Variants in GLT8D2 observed in about 807,000 individuals in gnomAD.
GLT8D2 encodes glycosyltransferase 8 domain containing 2, also known as glycosyltransferase 8 domain-containing protein 2.
GLT8D2 carries 45 observed loss-of-function variants against 44.5 expected under a neutral mutation model. The observed-to-expected ratio is 1.01, with a 90% CI of 0.80 to 1.30. The LOEUF (loss-of-function observed/expected upper bound fraction) is 1.30. GLT8D2 is among the 50% of genes most tolerant of loss of function. The pLI, the probability that GLT8D2 is intolerant of heterozygous loss-of-function variation, is 0.00. For synonymous variants in GLT8D2, 156 were observed against 157.2 expected, an observed-to-expected ratio of 0.99 and a Z score of 0.06; for missense variants, 400 against 430.4, an observed-to-expected ratio of 0.93 and a Z score of 0.62.
At chr12:104,024,353 G>A (rs999401698) in intron 1 of GLT8D2, among the ~76,000 whole-genome samples, 1 of 152,164 alleles carries the variant, frequency 6.6e-6, no homozygotes, top group Non-Finnish European at 1.5e-5. Flanking sequence ...AGGATTGTTT[G>A]AGCCTGGAGG....
chr12:104,021,188 G>A (rs1037491283), intron 2 of GLT8D2, among the ~76,000 whole-genome samples, 169 bp downstream of exon 2: 1 of 152,226 alleles, frequency 6.6e-6, no homozygotes, highest in African/African-American at 2.4e-5. Flanking sequence ...CCCTCAGGGA[G>A]AAAGCTATCT....
At chr12:104,015,392 A>C (rs1247235439) in intron 3 of GLT8D2, among the ~76,000 whole-genome samples, 1 of 134,632 alleles carries the variant, frequency 7.4e-6, no homozygotes, top group African/African-American at 2.9e-5. Context: ...CAACAACAAC[A>C]AACACACACA....
chr12:104,041,448 C>A (rs1880542882), intron 1 of GLT8D2, among the ~76,000 whole-genome samples: 1 of 152,048 alleles, frequency 6.6e-6, no homozygotes, highest in Non-Finnish European at 1.5e-5. Flanking sequence ...TGGTGGCACG[C>A]ACCTGTGATC....
intron 4 of GLT8D2, among the ~76,000 whole-genome samples, chr12:104,011,843 T>C (rs1330152717): frequency 6.6e-6 from 1 of 152,062 alleles, no homozygotes; most frequent in African/African-American, 2.4e-5. Flanking sequence ...GTGTGGTGTG[T>C]GCCCCTTAAA....
intron 1 of GLT8D2, among the ~76,000 whole-genome samples, chr12:104,045,642 T>C (rs1166989532): frequency 6.6e-6 from 1 of 151,684 alleles, no homozygotes; most frequent in African/African-American, 2.4e-5. Context: ...TGCCAAAGAG[T>C]TTAGGCATGT....
chr12:104,019,529 C>T, intron 3 of GLT8D2, 101 bp downstream of exon 3: 3 of 940,386 alleles, frequency 3.2e-6, no homozygotes, highest in South Asian at 3.1e-5. Flanking sequence ...CCATGAAAAT[C>T]AAACACAATC....
chr12:104,008,879 C>T (rs557683743), intron 4 of GLT8D2, among the ~76,000 whole-genome samples: 10 of 152,366 alleles, frequency 6.6e-5, no homozygotes, highest in South Asian at 6.2e-4. Flanking sequence ...GCAGCTTCCA[C>T]GTGGTGTTGA....
chr12:104,032,274 G>A (rs1879351142), intron 1 of GLT8D2, among the ~76,000 whole-genome samples: 1 of 151,292 alleles, frequency 6.6e-6, no homozygotes, highest in Admixed American at 6.6e-5. Context: ...CCTGGTTTGT[G>A]TATTAGAATC....
upstream of GLT8D2, among the ~76,000 whole-genome samples, chr12:104,050,834 A>G (rs1207276642): frequency 1.2e-5 from 1 of 85,740 alleles, no homozygotes; most frequent in African/African-American, 6.5e-5. Context: ...TTTTTTTTTG[A>G]GACGGAGTCT....
chr12:104,027,757 G>A (rs1241936437), intron 1 of GLT8D2, among the ~76,000 whole-genome samples: 1 of 152,262 alleles, frequency 6.6e-6, no homozygotes, highest in Admixed American at 6.5e-5. Flanking sequence ...GCTCGGAGAG[G>A]TTCAGTAACT....
Position 103,989,325 on chromosome 12 carries a change from T to C in GLT8D2, c.*83A>G. 9 of 1,191,364 alleles carry C rather than the reference T, an allele frequency of 7.6e-6. No homozygotes were observed. The highest frequency in any genetic ancestry group is 7.0e-6 in the Non-Finnish European group (6 of 853,418). The allele number at this position is 1,191,364 out of a possible 1,614,324, so 73.8% of individuals were successfully genotyped here. A position where few individuals can be genotyped will look rare whatever the true frequency, so the allele number is the denominator to read the frequency against. On this transcript the variant is annotated 3_prime_UTR_variant, in exon 11 of 11. Coordinates refer to ENST00000360814, the MANE Select transcript of GLT8D2 (RefSeq NM_001384711.1). Reference sequence around the variant, plus strand: ...TGGATCATATGTATCAAAGGTAATATTCATAAAGAACAATGTTATAGTTGG... The same window carrying C: ...TGGATCATATGTATCAAAGGTAATACTCATAAAGAACAATGTTATAGTTGG...
At chr12:104,017,733 T>C (rs1388885574) in intron 3 of GLT8D2, among the ~76,000 whole-genome samples, 1 of 152,188 alleles carries the variant, frequency 6.6e-6, no homozygotes, top group African/African-American at 2.4e-5. Flanking sequence ...TTGGGAAAAG[T>C]TGGTAGAAGG....
chr12:103,999,510 AT>A lies in GLT8D2; in HGVS notation c.288del (p.Lys96AsnfsTer8). On this transcript the variant is annotated frameshift_variant, in exon 6 of 11. Transcript: ENST00000360814. LOFTEE classifies it high-confidence loss of function. ...TCTCTCAGTTTGGAATGTTCAATCCATTTTCTAAAAAGATGACCAAAAAAAC... is the reference window on the plus strand; with the variant it reads ...TCTCTCAGTTTGGAATGTTCAATCCATTTCTAAAAAGATGACCAAAAAAAC... The part of the protein sequence containing the change: ...GLRNTLTRIR[K>X]WIEHSKLREI... 6.3e-7 allele frequency: 1 copy of A among 1,597,440 alleles called. No individual in the cohort carries two copies. Among genetic ancestry groups the A allele is most frequent in the Non-Finnish European group, 8.6e-7 (1 of 1,166,814 alleles).
At position 103,993,800 on chromosome 12, in the gene GLT8D2, A is replaced by G. The variant is rs560561962; in HGVS notation, c.768-296T>C. On this transcript the variant is annotated intron_variant, in intron 9 of 10. Coordinates refer to ENST00000360814, the MANE Select transcript of GLT8D2 (RefSeq NM_001384711.1). ...ATCAAATTCGAATCCTACATTATTT[A>G]GAATAACTTTACTTGCAAATTCAAG... 4.2e-5 allele frequency: 11 copies of G among 262,630 alleles called. No homozygotes were observed. In the East Asian group the frequency reaches 8.7e-4, roughly 21 times the overall value. The allele number at this position is 262,630 out of a possible 1,614,324, so 16.3% of individuals were successfully genotyped here.
chr12:104,024,019 T>C (rs1046281942), intron 1 of GLT8D2, among the ~76,000 whole-genome samples: 2 of 152,190 alleles, frequency 1.3e-5, no homozygotes, highest in African/African-American at 2.4e-5. Flanking sequence ...TTTGTGTGAA[T>C]AGAGGGTAAC....
chr12:104,046,282 G>A (rs1175460942), intron 1 of GLT8D2, among the ~76,000 whole-genome samples: 1 of 151,974 alleles, frequency 6.6e-6, no homozygotes. Flanking sequence ...TAACACTTAC[G>A]TAGCAATTCT....
intron 1 of GLT8D2, among the ~76,000 whole-genome samples, chr12:104,062,661 G>A (rs1882765404): frequency 6.6e-6 from 1 of 151,790 alleles, no homozygotes; most frequent in Admixed American, 6.6e-5. Flanking sequence ...TAAAAATAGA[G>A]ATGGGATCTC....
intron 5 of GLT8D2, among the ~76,000 whole-genome samples, chr12:104,001,998 C>T (rs762695985): frequency 7.9e-5 from 12 of 152,108 alleles, no homozygotes; most frequent in Non-Finnish European, 1.6e-4. Flanking sequence ...TTAGCTGAAA[C>T]AAGGTCTCAC....
chr12:104,028,282 G>A (rs563191541), intron 1 of GLT8D2, among the ~76,000 whole-genome samples: 8 of 152,226 alleles, frequency 5.3e-5, no homozygotes, highest in African/African-American at 1.9e-4. Flanking sequence ...AAAATGATGT[G>A]TGTGTGTGCA....
Sources: gnomAD v4.1 joint callset for allele counts (sites outside exome capture counted in the v4.1 genomes callset) on GRCh38, gnomAD v4.1.1 for gene constraint, MANE v1.5 for transcripts, NCBI Gene and HGNC (gene_info 2026-07-23, HGNC 2026-07-21) for gene names.